DENND1A: variants seen among roughly 807,000 people sequenced by gnomAD.
DENND1A encodes DENN domain-containing protein 1A.
A neutral mutation model predicts 113.7 loss-of-function variants in DENND1A; 51 were observed. The ratio of observed to expected loss-of-function variants is 0.45; its 90% CI spans 0.36 to 0.57. The LOEUF (loss-of-function observed/expected upper bound fraction) is 0.57, where lower values mean the gene tolerates loss of function less well. Ranked by LOEUF, DENND1A falls within the 20% of genes least tolerant of loss-of-function variation. The pLI, the probability that DENND1A is intolerant of heterozygous loss-of-function variation, is 0.00. For missense variants in DENND1A, 1,258 were observed against 1,395.9 expected, an observed-to-expected ratio of 0.90 and a Z score of 1.57; for synonymous variants, 565 against 570.8, an observed-to-expected ratio of 0.99 and a Z score of 0.14.
At chr9:123,710,981 T>C (rs973691492) in intron 5 of DENND1A, among the ~76,000 whole-genome samples, 3 of 152,046 alleles carry the variant, frequency 2.0e-5, no homozygotes, top group African/African-American at 7.2e-5. Context: ...CCGGAAGAGA[T>C]CTTTTTAATG....
At chr9:123,801,144 C>G (rs1477898008) in intron 2 of DENND1A, among the ~76,000 whole-genome samples, 2 of 152,178 alleles carry the variant, frequency 1.3e-5, no homozygotes, top group African/African-American at 4.8e-5. Context: ...TCCTTTGAGA[C>G]TTTTGTTGTT....
At chr9:123,726,639 C>T (rs1304910174) in intron 5 of DENND1A, among the ~76,000 whole-genome samples, 1 of 152,044 alleles carries the variant, frequency 6.6e-6, no homozygotes, top group Non-Finnish European at 1.5e-5. Flanking sequence ...AAATTTGCTC[C>T]CTGGTATCAT....
At chr9:123,666,825 C>T (rs979303090) in intron 8 of DENND1A, among the ~76,000 whole-genome samples, 11 of 152,090 alleles carry the variant, frequency 7.2e-5, no homozygotes, top group Admixed American at 7.2e-4. Context: ...TTTATACTTT[C>T]TATACTTTGC....
At chr9:123,607,100 T>C (rs1201738760) in intron 11 of DENND1A, among the ~76,000 whole-genome samples, 1 of 152,168 alleles carries the variant, frequency 6.6e-6, no homozygotes, top group African/African-American at 2.4e-5. Context: ...TCAAGTATTA[T>C]GTAGCCCATG....
At chr9:123,773,942 A>G (rs1378080969) in intron 3 of DENND1A, among the ~76,000 whole-genome samples, 2 of 152,058 alleles carry the variant, frequency 1.3e-5, no homozygotes, top group Non-Finnish European at 2.9e-5. Flanking sequence ...TAAAGCCACA[A>G]TTAGCCTCTT....
At chr9:123,415,620 AG>A (rs1198554348) in intron 19 of DENND1A, among the ~76,000 whole-genome samples, 1 of 152,146 alleles carries the variant, frequency 6.6e-6, no homozygotes, top group Non-Finnish European at 1.5e-5. Flanking sequence ...GATTGTGTGC[AG>A]GGCCCTCCTG....
At chr9:123,793,606 T>C (rs1305972081) in intron 2 of DENND1A, among the ~76,000 whole-genome samples, 1 of 152,142 alleles carries the variant, frequency 6.6e-6, no homozygotes, top group African/African-American at 2.4e-5. Context: ...CAATATATGC[T>C]ACCCATGGCT....
At chr9:123,621,880 C>T (rs1022214839) in intron 10 of DENND1A, among the ~76,000 whole-genome samples, 2 of 152,216 alleles carry the variant, frequency 1.3e-5, no homozygotes, top group Non-Finnish European at 2.9e-5. Context: ...CAGATTGATG[C>T]CCCATCGCCT....
At chr9:123,752,333 T>C (rs982642083) in intron 5 of DENND1A, among the ~76,000 whole-genome samples, 1 of 152,182 alleles carries the variant, frequency 6.6e-6, no homozygotes, top group Non-Finnish European at 1.5e-5. Context: ...TACTTTTTAA[T>C]TGAATAAAAA....
intron 8 of DENND1A, among the ~76,000 whole-genome samples, chr9:123,661,727 C>A (rs914134030): frequency 6.6e-6 from 1 of 151,934 alleles, no homozygotes; most frequent in Non-Finnish European, 1.5e-5. Context: ...GAAAATAATA[C>A]GAGGAGAAGA....
chr9:123,912,251 A>G (rs1348238069), intron 1 of DENND1A, among the ~76,000 whole-genome samples: 2 of 152,176 alleles, frequency 1.3e-5, no homozygotes, highest in Non-Finnish European at 2.9e-5. Context: ...CATTACATAT[A>G]AGACAAACAT....
At chr9:123,596,801 A>G (rs2059713343) in intron 11 of DENND1A, among the ~76,000 whole-genome samples, 2 of 152,242 alleles carry the variant, frequency 1.3e-5, no homozygotes, top group African/African-American at 4.8e-5. Context: ...ATGCAATGAA[A>G]TAACTGTGTT....
chr9:123,784,188 A>G (rs530992855), intron 3 of DENND1A, among the ~76,000 whole-genome samples: 4 of 152,202 alleles, frequency 2.6e-5, no homozygotes, highest in Non-Finnish European at 5.9e-5. Flanking sequence ...GGCTGGGTCA[A>G]AGTCAGACTG....
At chr9:123,644,670 G>A (rs2062216407) in intron 9 of DENND1A, among the ~76,000 whole-genome samples, 2 of 152,294 alleles carry the variant, frequency 1.3e-5, no homozygotes, top group South Asian at 4.2e-4. Flanking sequence ...AAGGGGCTAC[G>A]ATTAGTTTGT....
At chr9:123,414,698 AC>A in intron 19 of DENND1A, 1 of 1,411,018 alleles carries the variant, frequency 7.1e-7, no homozygotes. Flanking sequence ...GTTTATTTGA[AC>A]ATAGACTTGC....
At chr9:123,683,888 G>GTAAC (rs1224527404) in intron 5 of DENND1A, among the ~76,000 whole-genome samples, 2 of 152,166 alleles carry the variant, frequency 1.3e-5, no homozygotes, top group African/African-American at 4.8e-5. Flanking sequence ...GAGCTACAGA[G>GTAAC]TAACAGTCAA....
intron 5 of DENND1A, among the ~76,000 whole-genome samples, chr9:123,688,808 G>A (rs1218740816): frequency 6.6e-6 from 1 of 151,948 alleles, no homozygotes; most frequent in African/African-American, 2.4e-5. Flanking sequence ...AGCCACTCCC[G>A]ATTTTTAAAA....
At chr9:123,733,177 C>A (rs190178209) in intron 5 of DENND1A, among the ~76,000 whole-genome samples, 10 of 152,248 alleles carry the variant, frequency 6.6e-5, no homozygotes, top group Admixed American at 2.0e-4. Context: ...GACGGGGTTT[C>A]TCCATGTAGG....
At chr9:123,782,597 G>A (rs1323239119) in intron 3 of DENND1A, among the ~76,000 whole-genome samples, 3 of 152,136 alleles carry the variant, frequency 2.0e-5, no homozygotes, top group Non-Finnish European at 1.5e-5. Context: ...GGAGAGGACA[G>A]GTAAACAAGT....
Sources: allele counts gnomAD v4.1 joint callset (sites outside exome capture counted in the v4.1 genomes callset), GRCh38; gene constraint gnomAD v4.1.1; transcripts MANE v1.5; gene names NCBI Gene and HGNC (gene_info 2026-07-23, HGNC 2026-07-21).